NRXN1: variants seen among roughly 807,000 people sequenced by gnomAD.
NRXN1 encodes neurexin-1.
NRXN1 carries 39 observed loss-of-function variants against 150.9 expected under a neutral mutation model. The observed-to-expected ratio is 0.26, with a 90% CI of 0.20 to 0.34. The LOEUF is 0.34. Among genes scored for constraint, NRXN1 ranks in the 10% least tolerant of loss-of-function variants. The pLI is 1.00. For synonymous variants in NRXN1, 924 were observed against 757.0 expected (o/e 1.22, Z -3.62); for missense variants, 1,815 against 1,949.9 (o/e 0.93, Z 1.30).
intron 17 of NRXN1, among the ~76,000 whole-genome samples, chr2:50,245,985 A>G (rs149408086): frequency 1.5e-3 from 222 of 152,094 alleles, no homozygotes; most frequent in African/African-American, 5.1e-3. Context: ...AAAATAAATT[A>G]TAATTCACAA....
chr2:50,854,059 C>A (rs1210846383), intron 5 of NRXN1, among the ~76,000 whole-genome samples: 1 of 151,950 alleles, frequency 6.6e-6, no homozygotes, highest in South Asian at 2.1e-4. Context: ...TCTTTAAGAT[C>A]CTCATTGGCA....
intron 18 of NRXN1, among the ~76,000 whole-genome samples, chr2:50,178,552 A>G (rs528358771): frequency 5.7e-4 from 87 of 152,190 alleles, no homozygotes; most frequent in African/African-American, 2.0e-3. Context: ...GAGACATGTA[A>G]CATTAAACAG....
intron 12 of NRXN1, among the ~76,000 whole-genome samples, chr2:50,526,402 T>C (rs1259724915): frequency 6.6e-6 from 1 of 152,182 alleles, no homozygotes; most frequent in Non-Finnish European, 1.5e-5. Flanking sequence ...TAAACGTACA[T>C]TAATTTTCTC....
chr2:50,160,323 C>G (rs2059286773), intron 18 of NRXN1, among the ~76,000 whole-genome samples: 1 of 152,002 alleles, frequency 6.6e-6, no homozygotes, highest in African/African-American at 2.4e-5. Context: ...GGCAGATCAC[C>G]TTAGGTCAGG....
In NRXN1 at chr2:50,495,885, C is replaced by G. The variant is rs1478192321; in HGVS notation, c.3070+20G>C. 6.4e-7 allele frequency: 1 copy of G among 1,558,154 alleles called. No individual in the cohort carries two copies. The highest frequency in any genetic ancestry group is 8.7e-7 in the Non-Finnish European group (1 of 1,151,028). ...ACCGTGTGGTGCAAGGCTCGTTGCT[C>G]TGACTTAACATGCACTTACTCTTGA... On this transcript the variant is annotated intron_variant, in intron 15 of 22. Transcript: ENST00000401669.
intron 17 of NRXN1, among the ~76,000 whole-genome samples, chr2:50,417,894 G>C (rs886757587): frequency 2.0e-5 from 3 of 151,930 alleles, no homozygotes; most frequent in African/African-American, 7.2e-5. Flanking sequence ...GATAGATGGG[G>C]CTGCACAGAT....
At chr2:49,958,471 G>A (rs900369774) in intron 21 of NRXN1, among the ~76,000 whole-genome samples, 8 of 151,880 alleles carry the variant, frequency 5.3e-5, no homozygotes, top group Non-Finnish European at 8.8e-5. Context: ...TTGTTATCAC[G>A]CCTCTGCCAT....
At chr2:50,132,944 T>C (rs991720153) in intron 18 of NRXN1, among the ~76,000 whole-genome samples, 8 of 151,532 alleles carry the variant, frequency 5.3e-5, no homozygotes, top group African/African-American at 4.8e-5. Flanking sequence ...CTTCCTTTTA[T>C]ACCCAAAAAA....
At position 49,943,854 on chromosome 2, in the gene NRXN1, T is replaced by C. The variant is rs963231649; in HGVS notation, c.4129-63A>G. ...GTCCTAACAGATTCTCTCATCTTTG[T>C]CTCATTGACAAGTGAAATACAATTT... On this transcript the variant is annotated intron_variant, in intron 21 of 22. Transcript: ENST00000401669. 1.0e-4 allele frequency: 121 copies of C among 1,185,568 alleles called. 1 individual carries two copies. The highest frequency in any genetic ancestry group is 7.5e-6 in the Non-Finnish European group (6 of 804,914). The allele number at this position is 1,185,568 out of a possible 1,614,324, so 73.4% of individuals were successfully genotyped here.
At chr2:50,427,211 G>T (rs932966545) in intron 17 of NRXN1, among the ~76,000 whole-genome samples, 1 of 152,110 alleles carries the variant, frequency 6.6e-6, no homozygotes, top group African/African-American at 2.4e-5. Flanking sequence ...GTTATAGGAC[G>T]ATATCCAAAT....
chr2:50,226,662 C>T (rs1340097274), intron 18 of NRXN1, among the ~76,000 whole-genome samples: 1 of 151,864 alleles, frequency 6.6e-6, no homozygotes, highest in Non-Finnish European at 1.5e-5. Flanking sequence ...AGGAAGTTGG[C>T]CTTTGAAGTA....
At chr2:49,980,414 T>G (rs1679804586) in intron 21 of NRXN1, among the ~76,000 whole-genome samples, 1 of 152,080 alleles carries the variant, frequency 6.6e-6, no homozygotes, top group African/African-American at 2.4e-5. Context: ...CAACAAGATT[T>G]CAATGAATAG....
chr2:50,812,617 T>C (rs1335517577), intron 5 of NRXN1, among the ~76,000 whole-genome samples: 7 of 151,782 alleles, frequency 4.6e-5, no homozygotes, highest in Non-Finnish European at 8.8e-5. Context: ...GATAAATAGA[T>C]ATTGTATAGA....
chr2:50,553,930 G>C (rs1455019003), intron 8 of NRXN1, among the ~76,000 whole-genome samples: 1 of 152,012 alleles, frequency 6.6e-6, no homozygotes, highest in Non-Finnish European at 1.5e-5. Context: ...TAAATTCAAA[G>C]GTATTTTGAC....
intron 21 of NRXN1, among the ~76,000 whole-genome samples, chr2:50,048,399 T>C (rs550078080): frequency 8.5e-5 from 13 of 152,264 alleles, no homozygotes; most frequent in African/African-American, 3.1e-4. Context: ...TTATAAGTAA[T>C]GCTATTATTT....
At chr2:50,025,388 C>T (rs551092179) in intron 21 of NRXN1, among the ~76,000 whole-genome samples, 1 of 152,042 alleles carries the variant, frequency 6.6e-6, no homozygotes, top group African/African-American at 2.4e-5. Flanking sequence ...GCTTATACGG[C>T]GACAAGGAGT....
At chr2:50,470,234 AATT>A (rs2089328509) in intron 16 of NRXN1, among the ~76,000 whole-genome samples, 1 of 151,784 alleles carries the variant, frequency 6.6e-6, no homozygotes, top group Non-Finnish European at 1.5e-5. Context: ...CACCTCCAAG[AATT>A]ATTATGTTGT....
At chr2:50,522,444 C>T (rs571315212) in intron 12 of NRXN1, among the ~76,000 whole-genome samples, 2 of 152,286 alleles carry the variant, frequency 1.3e-5, no homozygotes, top group Admixed American at 6.5e-5. Context: ...AAATTAATAA[C>T]TGTGCTTGGT....
chr2:50,963,920 T>TAATTAA (rs1210516627), intron 2 of NRXN1: 2 of 397,410 alleles, frequency 5.0e-6, no homozygotes, highest in Non-Finnish European at 1.0e-5. Flanking sequence ...TATGGTATCC[T>TAATTAA]TGCACTAGGC....
Sources: gnomAD v4.1 joint callset for allele counts (sites outside exome capture counted in the v4.1 genomes callset) on GRCh38, gnomAD v4.1.1 for gene constraint, MANE v1.5 for transcripts, NCBI Gene and HGNC (gene_info 2026-07-23, HGNC 2026-07-21) for gene names.